The following RAP1A variants were observed in gnomAD, a reference collection of about 807,000 sequenced individuals.
RAP1A encodes ras-related protein Rap-1A.
In RAP1A, 6 loss-of-function variants were observed where a neutral mutation model predicts 26.4. The observed-to-expected ratio is 0.23, with a 90% CI of 0.12 to 0.45. The LOEUF (loss-of-function observed/expected upper bound fraction) is 0.45, where lower values mean the gene tolerates loss of function less well. Among genes scored for constraint, RAP1A ranks in the 20% least tolerant of loss-of-function variants. RAP1A has a pLI of 0.99. For missense variants in RAP1A, 121 were observed against 217.2 expected (o/e 0.56, Z 2.78); for synonymous variants, 73 against 79.4 (o/e 0.92, Z 0.43).
At chr1:111,571,143 G>T (rs1658040468) in intron 1 of RAP1A, among the ~76,000 whole-genome samples, 1 of 152,180 alleles carries the variant, frequency 6.6e-6, no homozygotes, top group Non-Finnish European at 1.5e-5. Flanking sequence ...ATGACTCACA[G>T]AATTCAGGGA....
At position 111,704,481 on chromosome 1, in the gene RAP1A, A is replaced by C; in HGVS notation, c.463A>C (p.Asn155His). The C allele has an allele frequency of 1.2e-6, 2 of 1,612,530 alleles. No homozygotes were observed. The highest frequency in any genetic ancestry group is 1.7e-6 in the Non-Finnish European group (2 of 1,179,084). ...TTCTGCAAAGTCAAAGATCAATGTT[A>C]ATGAGGTAACCTACAACTGCTGGGC... is the stretch of plus-strand genomic sequence containing the variant. ...ESSAKSKINV[N>H]EIFYDLVRQI... Residue 155 changes from asparagine to histidine, a missense_variant, in exon 6 of 8, where the codon AAT (asparagine) becomes CAT (histidine). Transcript: ENST00000369709.
intron 1 of RAP1A, among the ~76,000 whole-genome samples, chr1:111,561,312 C>T (rs766913045): frequency 2.0e-5 from 3 of 152,048 alleles, no homozygotes; most frequent in Admixed American, 6.6e-5. Context: ...TTTGTAAAGA[C>T]GGGGTTTTGC....
intron 1 of RAP1A, among the ~76,000 whole-genome samples, chr1:111,561,070 A>G (rs1657717906): frequency 6.6e-6 from 1 of 152,136 alleles, no homozygotes; most frequent in South Asian, 2.1e-4. Context: ...CTGAAGAAGA[A>G]AATAATAGGA....
At chr1:111,542,904 G>T (rs991833110) in intron 1 of RAP1A, among the ~76,000 whole-genome samples, 6 of 151,964 alleles carry the variant, frequency 3.9e-5, no homozygotes, top group Admixed American at 2.0e-4. Context: ...ACCATGTTGG[G>T]CAGGCTGGTC....
At chr1:111,542,247 G>T (rs1196399389) in exon 1 of RAP1A, 2 of 608,584 alleles carry the variant, frequency 3.3e-6, no homozygotes, top group Non-Finnish European at 6.1e-6. Flanking sequence ...AAACACTGGC[G>T]GCACATATTG....
Position 111,654,265 on chromosome 1 carries a change from G to A in RAP1A, c.-28+34331G>A, listed in dbSNP as rs998976688. On this transcript the variant is annotated intron_variant, in intron 1 of 7. Transcript: ENST00000369709. ...TTTAACCTATTTTAAATCATACAAAGTGTCTATCAGGTTTTGTTGTTACTT... is the reference window on the plus strand; with the variant it reads ...TTTAACCTATTTTAAATCATACAAAATGTCTATCAGGTTTTGTTGTTACTT... Among the ~76,000 whole-genome samples the A allele has an allele frequency of 8.5e-5, 13 of 152,186 alleles. No individual in the cohort carries two copies. In the East Asian group the frequency reaches 9.6e-4, roughly 11 times the overall value.
At chr1:111,677,733 G>T (rs940117878) in intron 1 of RAP1A, among the ~76,000 whole-genome samples, 2 of 152,170 alleles carry the variant, frequency 1.3e-5, no homozygotes, top group Middle Eastern at 3.4e-3. Flanking sequence ...CACAACCTGC[G>T]GTGCCTTTTA....
chr1:111,694,451 A>G (rs1661768821), intron 2 of RAP1A, among the ~76,000 whole-genome samples: 1 of 152,204 alleles, frequency 6.6e-6, no homozygotes, highest in South Asian at 2.1e-4. Context: ...TTTTTAGGCA[A>G]TAATGTACCA....
At chr1:111,627,655 A>C (rs1659440570) in intron 1 of RAP1A, 1 of 152,058 alleles carries the variant, frequency 6.6e-6, no homozygotes, top group South Asian at 2.1e-4. Context: ...ATAATCTGTA[A>C]AACCATCATA....
At chr1:111,650,962 C>T (rs4526612) in intron 1 of RAP1A, among the ~76,000 whole-genome samples, 9,724 of 152,090 alleles carry the variant, frequency 0.064, 321 homozygotes, top group African/African-American at 0.075. Context: ...CCACCACGCC[C>T]GGCTAATTTT....
chr1:111,662,336 A>G (rs1660664123), intron 1 of RAP1A, among the ~76,000 whole-genome samples: 1 of 147,738 alleles, frequency 6.8e-6, no homozygotes. Flanking sequence ...CGGAGCTTGC[A>G]GTGAGCAGAG....
chr1:111,552,660 C>G (rs1237817374), intron 1 of RAP1A, among the ~76,000 whole-genome samples: 1 of 152,136 alleles, frequency 6.6e-6, no homozygotes, highest in Non-Finnish European at 1.5e-5. Flanking sequence ...CCAGGCAGGC[C>G]TTGAGAGGCA....
intron 1 of RAP1A, chr1:111,564,026 G>T: frequency 9.2e-7 from 1 of 1,087,558 alleles, no homozygotes; most frequent in Non-Finnish European, 1.4e-6. Flanking sequence ...CAACCCTTCT[G>T]CCATTAGAGA....
chr1:111,711,265 T>C (rs896434255), intron 7 of RAP1A, among the ~76,000 whole-genome samples: 1 of 152,244 alleles, frequency 6.6e-6, no homozygotes, highest in Non-Finnish European at 1.5e-5. Flanking sequence ...TTAAATACTA[T>C]ATTATTTAAC....
Position 111,642,566 on chromosome 1 carries a change from C to T in RAP1A, c.-28+22632C>T, listed in dbSNP as rs574433138. 2.6e-4 allele frequency among the ~76,000 whole-genome samples: 40 copies of T among 151,720 alleles called. No individual in the cohort carries two copies. The East Asian group carries it at 7.8e-3, about 30-fold the overall frequency. ...TCAGTGGCACTATCTTAGCTCACTG[C>T]AAGCTCCGCTTCCTAGGTTCACGCC... On this transcript the variant is annotated intron_variant, in intron 1 of 7. Transcript: ENST00000369709.
chr1:111,603,490 A>C (rs1658709328), intron 1 of RAP1A, among the ~76,000 whole-genome samples: 3 of 152,252 alleles, frequency 2.0e-5, no homozygotes, highest in Non-Finnish European at 4.4e-5. Flanking sequence ...AGCTGAAGCC[A>C]TTGGTAGGAT....
chr1:111,632,404 A>G (rs181062883), intron 1 of RAP1A, among the ~76,000 whole-genome samples: 312 of 152,326 alleles, frequency 2.0e-3, no homozygotes, highest in Non-Finnish European at 3.3e-3. Context: ...GAAAGTAAAT[A>G]TAAGTAATTG....
At chr1:111,594,532 A>AGAAG (rs1453428543) in intron 1 of RAP1A, among the ~76,000 whole-genome samples, 1 of 144,524 alleles carries the variant, frequency 6.9e-6, no homozygotes, top group Non-Finnish European at 1.5e-5. Context: ...GGGAAAGGGA[A>AGAAG]GAAGGAAGGA....
At chr1:111,712,248 CAT>C (rs1207832611) in intron 7 of RAP1A, among the ~76,000 whole-genome samples, 181 bp from the exon 8 acceptor site, 1 of 152,024 alleles carries the variant, frequency 6.6e-6, no homozygotes, top group Non-Finnish European at 1.5e-5. Flanking sequence ...TTTTTTAAAA[CAT>C]TTTTAAAGGG....
Sources: allele counts gnomAD v4.1 joint callset (sites outside exome capture counted in the v4.1 genomes callset), GRCh38; gene constraint gnomAD v4.1.1; transcripts MANE v1.5; gene names NCBI Gene and HGNC (gene_info 2026-07-23, HGNC 2026-07-21).